SEMA3A: variants seen among roughly 807,000 people sequenced by gnomAD.
The protein encoded by SEMA3A is semaphorin-3A.
In SEMA3A, 29 loss-of-function variants were observed where a neutral mutation model predicts 97.9. The ratio of observed to expected loss-of-function variants is 0.30; its 90% confidence interval spans 0.22 to 0.40. The LOEUF (loss-of-function observed/expected upper bound fraction) is 0.40, where lower values mean the gene tolerates loss of function less well. SEMA3A is among the 10% of genes least tolerant of loss of function. SEMA3A has a pLI of 1.00. For synonymous variants in SEMA3A, 321 were observed against 323.7 expected, an observed-to-expected ratio of 0.99 and a Z score of 0.09; for missense variants, 763 against 951.3, an observed-to-expected ratio of 0.80 and a Z score of 2.60.
At chr7:84,273,999 G>A (rs1156684064) in intron 3 of SEMA3A, among the ~76,000 whole-genome samples, 2 of 151,768 alleles carry the variant, frequency 1.3e-5, no homozygotes, top group Non-Finnish European at 2.9e-5. Context: ...ATATTTATAT[G>A]GAATGGAAAA....
Position 84,247,900 on chromosome 7 carries a change from T to C in SEMA3A, c.-82-53232A>G, listed in dbSNP as rs150829624. 1.7e-3 allele frequency among the ~76,000 whole-genome samples: 261 copies of C among 152,306 alleles called. 2 individuals carry two copies. In the Middle Eastern group the frequency reaches 0.041, roughly 24 times the overall value. ...TATGTGATAAGTTTAAATTATTTCTTCAAGGTCCTTTAAGCATGATTTACC... is the reference window on the plus strand; with the variant it reads ...TATGTGATAAGTTTAAATTATTTCTCCAAGGTCCTTTAAGCATGATTTACC... On this transcript the variant is annotated intron_variant, in intron 3 of 3. Coordinates refer to the SEMA3A transcript ENST00000424555.
chr7:84,392,106 C>A (rs541679410), intron 1 of SEMA3A, among the ~76,000 whole-genome samples: 2 of 152,088 alleles, frequency 1.3e-5, no homozygotes, highest in African/African-American at 4.8e-5. Context: ...GCGATGAGAA[C>A]ATTTGAAATT....
intron 12 of SEMA3A, among the ~76,000 whole-genome samples, chr7:83,999,561 G>C (rs968738624): frequency 3.2e-4 from 48 of 152,212 alleles, no homozygotes; most frequent in Middle Eastern, 3.4e-3. Context: ...CAGAGTCTTT[G>C]AGCTGCATGA....
chr7:84,196,834 T>A (rs1022428265), upstream of SEMA3A, among the ~76,000 whole-genome samples: 6 of 152,146 alleles, frequency 3.9e-5, no homozygotes, highest in South Asian at 1.2e-3. Flanking sequence ...AGTTTTACCA[T>A]TTTCATTAGT....
chr7:84,200,797 CCT>C (rs1798335985), intron 3 of SEMA3A, among the ~76,000 whole-genome samples: 1 of 93,542 alleles, frequency 1.1e-5, no homozygotes, highest in Non-Finnish European at 2.3e-5. Flanking sequence ...GGTTTTTTTT[CCT>C]TTTTTTTTTT....
upstream of SEMA3A, among the ~76,000 whole-genome samples, chr7:84,197,729 TC>T (rs1798264926): frequency 5.0e-5 from 6 of 120,928 alleles, no homozygotes; most frequent in South Asian, 8.8e-4. Flanking sequence ...CAAAGATCAC[TC>T]TTTTTTTTTT....
At chr7:83,963,594 T>A (rs1788562677) in intron 15 of SEMA3A, among the ~76,000 whole-genome samples, 1 of 152,202 alleles carries the variant, frequency 6.6e-6, no homozygotes. Context: ...AAAATGGCAT[T>A]ACATTTACAA....
intron 3 of SEMA3A, among the ~76,000 whole-genome samples, chr7:84,298,567 C>T (rs987051735): frequency 3.3e-5 from 5 of 152,136 alleles, no homozygotes; most frequent in Admixed American, 6.6e-5. Flanking sequence ...TCAGCACTAA[C>T]GGCATACTCT....
At chr7:84,358,917 C>T (rs62472600) in intron 2 of SEMA3A, among the ~76,000 whole-genome samples, 43,477 of 151,794 alleles carry the variant, frequency 0.29, 6,667 homozygotes, top group African/African-American at 0.38. Flanking sequence ...TGGGAGTTCA[C>T]TCATGATTTG....
At chr7:84,309,523 G>A (rs914957485) in intron 2 of SEMA3A, among the ~76,000 whole-genome samples, 27 of 152,134 alleles carry the variant, frequency 1.8e-4, no homozygotes, top group Admixed American at 1.5e-3. Flanking sequence ...ACCCAGCAAA[G>A]GGTGTGTAAA....
At chr7:84,331,733 C>T (rs866769466) in intron 2 of SEMA3A, among the ~76,000 whole-genome samples, 1 of 151,974 alleles carries the variant, frequency 6.6e-6, no homozygotes, top group Non-Finnish European at 1.5e-5. Flanking sequence ...ACATTTTAGA[C>T]CTTGGCATTT....
chr7:84,002,704 G>A (rs1790509707), intron 11 of SEMA3A, among the ~76,000 whole-genome samples: 1 of 151,930 alleles, frequency 6.6e-6, no homozygotes, highest in African/African-American at 2.4e-5. Flanking sequence ...TTATTACTGT[G>A]GTTTTTCAAA....
At chr7:84,325,712 A>C (rs1584241055) in intron 2 of SEMA3A, among the ~76,000 whole-genome samples, 1 of 152,168 alleles carries the variant, frequency 6.6e-6, no homozygotes, top group South Asian at 2.1e-4. Flanking sequence ...ATTTTATTTT[A>C]GATAATAAAA....
rs533461187 is a variant in SEMA3A at position 84,484,465 on chromosome 7, C to T, written c.-246+7995G>A. Among the ~76,000 whole-genome samples, 4 of 151,612 alleles carry T rather than the reference C, an allele frequency of 2.6e-5. No homozygotes were observed. The South Asian group carries it at 8.3e-4, about 32-fold the overall frequency. Reference sequence around the variant, plus strand: ...AATTCTTCTTTTTAATTTAACAAACCTATCACTGTGGAGTATCTAATAGGA... The same window carrying T: ...AATTCTTCTTTTTAATTTAACAAACTTATCACTGTGGAGTATCTAATAGGA... On this transcript the variant is annotated intron_variant, in intron 1 of 3. Coordinates refer to the SEMA3A transcript ENST00000424555.
At chr7:83,983,226 T>C (rs1789496616) in intron 13 of SEMA3A, among the ~76,000 whole-genome samples, 3 of 151,274 alleles carry the variant, frequency 2.0e-5, no homozygotes, top group African/African-American at 7.3e-5. Context: ...TTTCTTTTTC[T>C]TTCTTTCTTT....
intron 2 of SEMA3A, among the ~76,000 whole-genome samples, chr7:84,339,460 G>A (rs934229968): frequency 2.0e-5 from 3 of 152,138 alleles, no homozygotes; most frequent in Non-Finnish European, 4.4e-5. Context: ...AAGCTTAAGG[G>A]TTTGCAGCTG....
chr7:84,166,296 G>A (rs898065575), intron 1 of SEMA3A, among the ~76,000 whole-genome samples: 3 of 150,060 alleles, frequency 2.0e-5, no homozygotes, highest in Admixed American at 6.6e-5. Context: ...AAAAGAGGCC[G>A]GGCGCAGTGG....
At chr7:84,163,208 T>A (rs1797095881) in intron 1 of SEMA3A, among the ~76,000 whole-genome samples, 1 of 152,214 alleles carries the variant, frequency 6.6e-6, no homozygotes, top group Non-Finnish European at 1.5e-5. Flanking sequence ...CTTTCCAGTA[T>A]TCATATGCTT....
intron 1 of SEMA3A, among the ~76,000 whole-genome samples, chr7:84,469,537 T>C (rs568334019): frequency 3.3e-5 from 5 of 152,308 alleles, no homozygotes; most frequent in African/African-American, 1.2e-4. Flanking sequence ...GTTGAGTTAC[T>C]TCCTTCTTTT....
Sources: gnomAD v4.1 joint callset for allele counts (sites outside exome capture counted in the v4.1 genomes callset) on GRCh38, gnomAD v4.1.1 for gene constraint, MANE v1.5 for transcripts, NCBI Gene and HGNC (gene_info 2026-07-23, HGNC 2026-07-21) for gene names.